PDK2: variants seen among roughly 807,000 people sequenced by gnomAD.
PDK2 encodes pyruvate dehydrogenase kinase 2.
Under a neutral mutation model 50.4 loss-of-function variants are expected in PDK2, and 34 were observed. The observed-to-expected ratio is 0.68, with a 90% CI of 0.51 to 0.90. The LOEUF (loss-of-function observed/expected upper bound fraction) is 0.90. Among genes scored for constraint, PDK2 ranks in the 40% least tolerant of loss-of-function variants. PDK2 has a pLI of 0.00. For synonymous variants in PDK2, 232 were observed against 216.0 expected, an observed-to-expected ratio of 1.07 and a Z score of -0.65; for missense variants, 377 against 544.5, an observed-to-expected ratio of 0.69 and a Z score of 3.06.
intron 2 of PDK2, among the ~76,000 whole-genome samples, chr17:50,098,280 G>A (rs941245635): frequency 3.3e-5 from 5 of 152,186 alleles, no homozygotes; most frequent in Non-Finnish European, 7.3e-5. Context: ...ATCTTGGGCT[G>A]GTTCTTTTGG....
At chr17:50,102,073 C>G (rs1910261227) in intron 2 of PDK2, among the ~76,000 whole-genome samples, 2 of 152,192 alleles carry the variant, frequency 1.3e-5, no homozygotes, top group South Asian at 4.1e-4. Flanking sequence ...AAGGGGTGGG[C>G]AGCCCAGAGG....
chr17:50,100,277 T>C (rs1415340885), intron 2 of PDK2, among the ~76,000 whole-genome samples: 1 of 152,234 alleles, frequency 6.6e-6, no homozygotes, highest in Non-Finnish European at 1.5e-5. Context: ...TTCCTGGTTC[T>C]AAATAAACCT....
At chr17:50,104,679 T>G (rs1483612232) in intron 2 of PDK2, among the ~76,000 whole-genome samples, 5 of 152,260 alleles carry the variant, frequency 3.3e-5, no homozygotes, top group Admixed American at 6.5e-5. Flanking sequence ...TACCTGGCCT[T>G]TTGCAGTAGA....
chr17:50,095,734 G>A, intron 1 of PDK2, 181 bp downstream of exon 1: 1 of 1,422,970 alleles, frequency 7.0e-7, no homozygotes, highest in Non-Finnish European at 9.2e-7. Context: ...TCTCGACGGG[G>A]CTGCTGATGG....
rs1910217758 is a variant in PDK2, at chr17:50,101,335, T to A, written c.260+3771T>A. Among the ~76,000 whole-genome samples the A allele has an allele frequency of 6.6e-6, 1 of 152,088 alleles. No individual in the cohort carries two copies. The highest frequency in any genetic ancestry group is 1.5e-5 in the Non-Finnish European group (1 of 67,996). On this transcript the variant is annotated intron_variant, in intron 2 of 10. Coordinates refer to ENST00000503176, the MANE Select transcript of PDK2 (RefSeq NM_002611.5). This position sits in a 1 kb window ranked among gnomAD's most constrained non-coding sequence, Gnocchi z 4.2. ...TGTACTCGAGGCATCATCTTTTCTG[T>A]ACACCCAGGCCCATGAGGTGCTTAC...
intron 4 of PDK2, chr17:50,106,421 G>T: frequency 4.4e-6 from 2 of 455,376 alleles, no homozygotes; most frequent in East Asian, 4.2e-5. Context: ...TGATTTTTGA[G>T]AAGTTGTAGC....
rs772128296 is a variant in PDK2, at chr17:50,109,358, C to T, written c.1041C>T (p.Phe347=). The change falls in exon 10 of 11, where the codon TTC becomes TTT. Residue 347 remains phenylalanine, a synonymous_variant. Coordinates refer to ENST00000503176, the MANE Select transcript of PDK2 (RefSeq NM_002611.5). This position sits in a 1 kb window ranked among gnomAD's most constrained non-coding sequence, Gnocchi z 5.0. ...ACTTCCAGGGAGACCTGCAGCTCTT[C>T]TCCATGGAAGGCTTTGGGACCGATG... ...AKYFQGDLQL[F]SMEGFGTDAV... 9 of 1,613,772 alleles carry T rather than the reference C, an allele frequency of 5.6e-6. No individual in the cohort carries two copies. The highest frequency in any genetic ancestry group is 1.7e-4 in the Middle Eastern group (1 of 6,058).
At chr17:50,106,746 G>A in intron 4 of PDK2, 48 bp from the exon 5 acceptor site, 1 of 1,495,026 alleles carries the variant, frequency 6.7e-7, no homozygotes, top group Non-Finnish European at 9.3e-7. Context: ...AGGGAGCGCT[G>A]GGACAGACTG....
At chr17:50,097,793 A>G in intron 2 of PDK2, 1 of 472,904 alleles carries the variant, frequency 2.1e-6, no homozygotes, top group Non-Finnish European at 3.8e-6. Context: ...CTTACCACCC[A>G]CCTTTCTCTG....
chr17:50,100,187 G>A (rs1464227291), intron 2 of PDK2, among the ~76,000 whole-genome samples: 1 of 152,216 alleles, frequency 6.6e-6, no homozygotes, highest in Non-Finnish European at 1.5e-5. Context: ...TAGTGGTCAT[G>A]GTTCATCTGT....
chr17:50,109,464 T>C lies in PDK2; in HGVS notation c.1083+64T>C. 1.9e-6 allele frequency: 2 copies of C among 1,042,732 alleles called. No individual in the cohort carries two copies. The highest frequency in any genetic ancestry group is 2.8e-6 in the Non-Finnish European group (2 of 708,394). The allele number at this position is 1,042,732 out of a possible 1,614,324, so 64.6% of individuals were successfully genotyped here. The stretch of plus-strand genomic sequence containing the variant: ...TTTGCTGATAGGACCTGGGCAGCCT[T>C]GGCCAGCTGCGAGCTTTCCTTTCCA... On this transcript the variant is annotated intron_variant, in intron 10 of 10. Coordinates refer to ENST00000503176, the MANE Select transcript of PDK2 (RefSeq NM_002611.5). This position sits in a 1 kb window ranked among gnomAD's most constrained non-coding sequence, Gnocchi z 5.0.
chr17:50,095,230 G>A (rs541879749), upstream of PDK2: 18 of 507,602 alleles, frequency 3.5e-5, no homozygotes, highest in African/African-American at 3.6e-4. Flanking sequence ...GCCACGTGCC[G>A]GGGCGGAAGG....
Position 50,106,934 on chromosome 17 carries a change from C to T in PDK2, c.607+51C>T, listed in dbSNP as rs768020000. 3.9e-6 allele frequency: 6 copies of T among 1,539,622 alleles called. No individual in the cohort carries two copies. In the East Asian group the frequency reaches 9.0e-5, roughly 23 times the overall value. Reference sequence around the variant, plus strand: ...CCGCAGAGAAGCCCCGGGGACCCCTCCAAGCTTACCTGGCCAGAGGGTGAC... The same window carrying T: ...CCGCAGAGAAGCCCCGGGGACCCCTTCAAGCTTACCTGGCCAGAGGGTGAC... On this transcript the variant is annotated intron_variant, in intron 5 of 10. Transcript: ENST00000503176.
Position 50,105,951 on chromosome 17 carries a change from C to T in PDK2, c.399C>T (p.Gly133=), listed in dbSNP as rs761025550. 1.4e-5 allele frequency: 22 copies of T among 1,613,118 alleles called. No individual in the cohort carries two copies. The highest frequency in any genetic ancestry group is 1.1e-4 in the African/African-American group (8 of 74,932). ...HNDVVPTMAQ[G]VLEYKDTYGD... ...ACGTGGTGCCCACCATGGCACAAGG[C>T]GTGCTTGAGTACAAGGACACCTACG... The change falls in exon 4 of 11, where the codon GGC becomes GGT. Residue 133 remains glycine (G), a synonymous_variant. Transcript: ENST00000503176.
intron 1 of PDK2, chr17:50,096,121 T>A (rs1909927331): frequency 1.0e-6 from 1 of 985,832 alleles, no homozygotes; most frequent in African/African-American, 1.7e-5. Context: ...CTGGTAGACA[T>A]CCACCCACAG....
rs915539467 is a variant in PDK2 at position 50,095,869 on chromosome 17, G to A, written c.118+316G>A. ...GAAGGGAGTAGGGTGGTATCCAGAC[G>A]CGAAAGGGTTAATGGGAGTTGTCCT... On this transcript the variant is annotated intron_variant, in intron 1 of 10. Coordinates refer to ENST00000503176, the MANE Select transcript of PDK2 (RefSeq NM_002611.5). 14 of 935,928 alleles carry A rather than the reference G, an allele frequency of 1.5e-5. No individual in the cohort carries two copies. In the African/African-American group the frequency reaches 2.3e-4, roughly 15 times the overall value. The allele number at this position is 935,928 out of a possible 1,614,324, so 58.0% of individuals were successfully genotyped here.
In PDK2 at chr17:50,110,849, G is replaced by C. The variant is rs1910792863; in HGVS notation, c.*752G>C. On this transcript the variant is annotated 3_prime_UTR_variant, in exon 11 of 11. Coordinates refer to ENST00000503176, the MANE Select transcript of PDK2 (RefSeq NM_002611.5). Reference sequence around the variant, plus strand: ...TCCACAAGCCTAGTCCATCCTGCCTGAGCTCCAGCCCCCAGCCCCCACTGT... The same window carrying C: ...TCCACAAGCCTAGTCCATCCTGCCTCAGCTCCAGCCCCCAGCCCCCACTGT... 6.6e-6 allele frequency: 1 copy of C among 152,194 alleles called. No individual in the cohort carries two copies. Among genetic ancestry groups the C allele is most frequent in the Admixed American group, 6.5e-5 (1 of 15,274 alleles). 9.4% of individuals were successfully genotyped at this position (152,194 alleles called of 1,614,324 possible). A position where few individuals can be genotyped will look rare whatever the true frequency, so the allele number is the denominator to read the frequency against.
At chr17:50,108,833 T>A in intron 9 of PDK2, 114 bp downstream of exon 9, 1 of 688,000 alleles carries the variant, frequency 1.5e-6, no homozygotes. Flanking sequence ...GACAGTCACC[T>A]GTCTTGAATC....
chr17:50,111,689 G>C lies in PDK2; in HGVS notation c.*1592G>C, dbSNP rs369348030. ...GCCCCCAGGCCTCATCGGTAACTCT[G>C]ACCAGTGTCCTGGAAGCGGGACTAG... On this transcript the variant is annotated 3_prime_UTR_variant, in exon 11 of 11. Transcript: ENST00000503176. The C allele has an allele frequency of 6.6e-6, 1 of 152,298 alleles. No individual in the cohort carries two copies. Among genetic ancestry groups the C allele is most frequent in the African/African-American group, 2.4e-5 (1 of 41,444 alleles). 9.4% of individuals were successfully genotyped at this position (152,298 alleles called of 1,614,324 possible). A position where few individuals can be genotyped will look rare whatever the true frequency, so the allele number is the denominator to read the frequency against.
Sources: gnomAD v4.1 joint callset for allele counts (sites outside exome capture counted in the v4.1 genomes callset) on GRCh38, gnomAD v4.1.1 for gene constraint, Gnocchi (gnomAD v3.1) non-coding constraint, MANE v1.5 for transcripts, NCBI Gene and HGNC (gene_info 2026-07-23, HGNC 2026-07-21) for gene names.